The following ATP13A5 variants were observed in gnomAD, a reference collection of about 807,000 sequenced individuals.
The protein encoded by ATP13A5 is ATPase 13A5, also known as probable cation-transporting ATPase 13A5.
Under a neutral mutation model 150.2 loss-of-function variants are expected in ATP13A5, and 149 were observed. The ratio of observed to expected loss-of-function variants is 0.99; its 90% CI spans 0.87 to 1.14. The LOEUF (loss-of-function observed/expected upper bound fraction) is 1.14. Ranked by LOEUF, ATP13A5 falls within the 50% of genes most tolerant of loss-of-function variation. The pLI, the probability that ATP13A5 is intolerant of heterozygous loss-of-function variation, is 0.00. For synonymous variants in ATP13A5, 497 were observed against 522.2 expected, an observed-to-expected ratio of 0.95 and a Z score of 0.66; for missense variants, 1,383 against 1,449.3, an observed-to-expected ratio of 0.95 and a Z score of 0.74.
intron 19 of ATP13A5, 134 bp from the exon 20 acceptor site, chr3:193,312,075 T>C (rs926413946): frequency 2.6e-6 from 3 of 1,147,860 alleles, no homozygotes; most frequent in Admixed American, 4.6e-5. Context: ...GTAATTTGCC[T>C]ATAGCAGTTC....
intron 5 of ATP13A5, among the ~76,000 whole-genome samples, chr3:193,361,904 A>G (rs1003553604): frequency 1.3e-5 from 2 of 152,194 alleles, no homozygotes; most frequent in Admixed American, 1.3e-4. Context: ...AGAATTATGT[A>G]TTGAGCTCCT....
At chr3:193,371,515 C>T (rs561660054) in intron 1 of ATP13A5, among the ~76,000 whole-genome samples, 46 of 152,308 alleles carry the variant, frequency 3.0e-4, no homozygotes, top group Non-Finnish European at 6.0e-4. Context: ...AAACTCAAGG[C>T]GTCACCTGAG....
intron 24 of ATP13A5, among the ~76,000 whole-genome samples, chr3:193,300,993 A>G (rs1469949969): frequency 6.6e-6 from 1 of 152,180 alleles, no homozygotes; most frequent in Non-Finnish European, 1.5e-5. Flanking sequence ...CAGGTTATCA[A>G]GAGAAAAACA....
intron 21 of ATP13A5, among the ~76,000 whole-genome samples, chr3:193,308,027 C>T (rs1488150800): frequency 6.6e-6 from 1 of 151,970 alleles, no homozygotes; most frequent in Non-Finnish European, 1.5e-5. Flanking sequence ...TGATAAATGA[C>T]AATATTCTTA....
rs1234988010 is a variant in ATP13A5 at position 193,312,017 on chromosome 3, G to C, written c.2320-76C>G. The C allele has an allele frequency of 3.9e-6, 6 of 1,551,686 alleles. No individual in the cohort carries two copies. In the Admixed American group the frequency reaches 7.3e-5, roughly 19 times the overall value. ...GCTTTCCTATGCGTTATTGAAGGAA[G>C]AGTTTTCATGTTGCCTAACAGTGTG... On this transcript the variant is annotated intron_variant, in intron 19 of 29. Coordinates refer to ENST00000342358, the MANE Select transcript of ATP13A5 (RefSeq NM_198505.4).
chr3:193,321,971 T>TTGTG (rs142234694), intron 15 of ATP13A5, 134 bp from the exon 16 acceptor site: 9 of 1,030,864 alleles, frequency 8.7e-6, no homozygotes, highest in Admixed American at 2.8e-5. Flanking sequence ...AACATTGATT[T>TTGTG]TGTGTGTGTG....
chr3:193,356,715 T>C (rs916724960), intron 5 of ATP13A5, among the ~76,000 whole-genome samples: 3 of 152,246 alleles, frequency 2.0e-5, no homozygotes, highest in Admixed American at 6.5e-5. Context: ...AACCTTTCTT[T>C]TCTTAGCAAC....
At chr3:193,354,643 A>G (rs1003993685) in intron 5 of ATP13A5, among the ~76,000 whole-genome samples, 2 of 151,976 alleles carry the variant, frequency 1.3e-5, no homozygotes, top group African/African-American at 4.8e-5. Flanking sequence ...AACCGAATGA[A>G]TACATATTAG....
At chr3:193,360,765 C>A (rs995689079) in intron 5 of ATP13A5, among the ~76,000 whole-genome samples, 2 of 152,170 alleles carry the variant, frequency 1.3e-5, no homozygotes, top group Non-Finnish European at 2.9e-5. Flanking sequence ...CAACCTCCGC[C>A]TCCCGGGTCC....
chr3:193,298,878 A>G (rs1718279415), intron 25 of ATP13A5, among the ~76,000 whole-genome samples: 1 of 152,208 alleles, frequency 6.6e-6, no homozygotes. Context: ...TGTACAAGAC[A>G]TAAAACTACA....
intron 18 of ATP13A5, 93 bp downstream of exon 18, chr3:193,314,879 T>A: frequency 1.3e-6 from 2 of 1,486,868 alleles, no homozygotes; most frequent in Admixed American, 2.0e-5. Flanking sequence ...CATTTTTCCC[T>A]GTCTCTGATA....
In ATP13A5 at chr3:193,336,988, T is replaced by A. The variant is rs545408890; in HGVS notation, c.944-1889A>T. On this transcript the variant is annotated intron_variant, in intron 9 of 29. Transcript: ENST00000342358. ...TGATTTGCATTTCTCTGATGGCCAGTGATGATGAGCATTTTTTCATGTGTC... is the reference window on the plus strand; with the variant it reads ...TGATTTGCATTTCTCTGATGGCCAGAGATGATGAGCATTTTTTCATGTGTC... 8.3e-3 allele frequency among the ~76,000 whole-genome samples: 1,270 copies of A among 152,296 alleles called. 21 individuals carry two copies. The highest frequency in any genetic ancestry group is 0.029 in the African/African-American group (1,187 of 41,560).
chr3:193,319,484 C>A (rs1041619442), intron 16 of ATP13A5, among the ~76,000 whole-genome samples: 1 of 152,196 alleles, frequency 6.6e-6, no homozygotes, highest in African/African-American at 2.4e-5. Flanking sequence ...TCTCTCTCCA[C>A]CATGTGAGGA....
chr3:193,346,497 G>C (rs1712342894), intron 7 of ATP13A5, among the ~76,000 whole-genome samples: 1 of 152,170 alleles, frequency 6.6e-6, no homozygotes, highest in South Asian at 2.1e-4. Flanking sequence ...GCCTCTTCCT[G>C]TTTGGATGTC....
intron 25 of ATP13A5, among the ~76,000 whole-genome samples, chr3:193,294,049 A>G (rs959296629): frequency 3.9e-5 from 6 of 152,132 alleles, no homozygotes; most frequent in Non-Finnish European, 8.8e-5. Context: ...AATATTTGCA[A>G]ATAGGACAAT....
chr3:193,320,157 C>T (rs952630085), intron 16 of ATP13A5, among the ~76,000 whole-genome samples: 9 of 152,216 alleles, frequency 5.9e-5, no homozygotes, highest in Non-Finnish European at 1.2e-4. Context: ...CAACTAAGTT[C>T]TATTCTCCCT....
chr3:193,292,687 T>A (rs530540226), intron 25 of ATP13A5, among the ~76,000 whole-genome samples: 23 of 152,228 alleles, frequency 1.5e-4, no homozygotes, highest in African/African-American at 5.1e-4. Flanking sequence ...CTGATCTACA[T>A]ACTAGAGCGG....
rs1713152135 is a variant in ATP13A5 at position 193,364,205 on chromosome 3, G to C, written c.139C>G (p.Leu47Val). 6.2e-7 allele frequency: 1 copy of C among 1,614,130 alleles called. No individual in the cohort carries two copies. The highest frequency in any genetic ancestry group is 8.5e-7 in the Non-Finnish European group (1 of 1,179,990). ...GGTCTCCAGTAGAACACCAGCAGAA[G>C]GCCCCCACAGGTCAGCACGGATGCG... ...LVASVLTCGGLLLVFYWRPQW... is the reference protein window; with the variant it reads ...LVASVLTCGGVLLVFYWRPQW... Residue 47 changes from leucine to valine, a missense_variant, in exon 2 of 30, where the codon CTT becomes GTT. Leu to Val is a conservative substitution (Grantham distance 32, BLOSUM62 1). Transcript: ENST00000342358.
intron 24 of ATP13A5, 99 bp downstream of exon 24, chr3:193,301,112 T>C: frequency 9.9e-7 from 1 of 1,014,308 alleles, no homozygotes; most frequent in Non-Finnish European, 1.5e-6. Flanking sequence ...ATGTCATTTG[T>C]TTATAAAACA....
Sources: allele counts gnomAD v4.1 joint callset (sites outside exome capture counted in the v4.1 genomes callset), GRCh38; gene constraint gnomAD v4.1.1; transcripts MANE v1.5; gene names NCBI Gene and HGNC (gene_info 2026-07-23, HGNC 2026-07-21).